LPIN1: variants seen among roughly 807,000 people sequenced by gnomAD.
LPIN1 encodes the protein lipin 1, also known as phosphatidate phosphatase LPIN1.
LPIN1 carries 71 observed loss-of-function variants against 107.5 expected under a neutral mutation model. The observed-to-expected ratio is 0.66, with a 90% CI of 0.55 to 0.80. LPIN1 has a LOEUF of 0.80. LPIN1 is among the 30% of genes least tolerant of loss of function. The probability of loss-of-function intolerance (pLI) is 0.00; values close to 1 mark genes in which losing one functional copy is unlikely to be tolerated. For synonymous variants in LPIN1, 445 were observed against 452.6 expected (o/e 0.98, Z 0.21); for missense variants, 1,043 against 1,160.6 (o/e 0.90, Z 1.47).
At chr2:11,799,553 T>G (rs544175716) in intron 14 of LPIN1, among the ~76,000 whole-genome samples, 3 of 151,938 alleles carry the variant, frequency 2.0e-5, no homozygotes, top group Non-Finnish European at 4.4e-5. Flanking sequence ...ACCTCCAGAT[T>G]GTTGGTTCAG....
chr2:11,750,586 T>C (rs1667644058), intron 1 of LPIN1, among the ~76,000 whole-genome samples: 1 of 152,216 alleles, frequency 6.6e-6, no homozygotes, highest in South Asian at 2.1e-4. Context: ...TGGTTTTTAT[T>C]TGGTGCATGT....
intron 1 of LPIN1, among the ~76,000 whole-genome samples, chr2:11,750,624 C>A (rs1230089869): frequency 6.6e-6 from 1 of 152,218 alleles, no homozygotes; most frequent in African/African-American, 2.4e-5. Flanking sequence ...ACATTTACTG[C>A]CTCACAACAG....
intron 1 of LPIN1, among the ~76,000 whole-genome samples, chr2:11,739,902 C>T (rs1425387907): frequency 6.6e-6 from 1 of 152,172 alleles, no homozygotes; most frequent in African/African-American, 2.4e-5. Context: ...TATCAGGATT[C>T]TCCAGAGAAA....
chr2:11,785,589 C>G (rs923017503), intron 10 of LPIN1, among the ~76,000 whole-genome samples: 1 of 152,192 alleles, frequency 6.6e-6, no homozygotes, highest in Non-Finnish European at 1.5e-5. Context: ...CCCACGCCCC[C>G]CAGTGGGTGC....
chr2:11,787,039 TG>T, intron 10 of LPIN1, 34 bp from the exon 11 acceptor site: 4 of 1,475,400 alleles, frequency 2.7e-6, no homozygotes, highest in Non-Finnish European at 3.8e-6. Context: ...ATTTTCTTTT[TG>T]TTTTTCCCTG....
chr2:11,768,107 A>G (rs1354136566), intron 3 of LPIN1, among the ~76,000 whole-genome samples: 3 of 152,134 alleles, frequency 2.0e-5, no homozygotes, highest in Non-Finnish European at 4.4e-5. Flanking sequence ...AGACAGAGGG[A>G]TGGACTTCAC....
At chr2:11,709,586 T>C (rs1179816674) in intron 1 of LPIN1, among the ~76,000 whole-genome samples, 1 of 152,248 alleles carries the variant, frequency 6.6e-6, no homozygotes, top group Non-Finnish European at 1.5e-5. Context: ...CCGAGTTATA[T>C]GCTGCCATTG....
chr2:11,795,283 G>T (rs1328886467), intron 13 of LPIN1, 125 bp from the exon 14 acceptor site: 2 of 782,628 alleles, frequency 2.6e-6, no homozygotes, highest in Non-Finnish European at 4.5e-6. Flanking sequence ...CGCTAGGGTG[G>T]GCGTCATTGG....
At chr2:11,799,800 G>A (rs929806533) in intron 14 of LPIN1, among the ~76,000 whole-genome samples, 13 of 152,050 alleles carry the variant, frequency 8.5e-5, no homozygotes, top group African/African-American at 2.2e-4. Context: ...TTAAGATAAA[G>A]AAATCAAGGC....
At chr2:11,732,041 T>A (rs1665289325) in intron 1 of LPIN1, among the ~76,000 whole-genome samples, 1 of 152,218 alleles carries the variant, frequency 6.6e-6, no homozygotes, top group Admixed American at 6.5e-5. Flanking sequence ...TTCACTCTGA[T>A]GTTAGTTTCT....
intron 17 of LPIN1, among the ~76,000 whole-genome samples, chr2:11,810,330 T>A (rs1558287523): frequency 6.6e-6 from 1 of 152,124 alleles, no homozygotes; most frequent in Non-Finnish European, 1.5e-5. Flanking sequence ...TGAGTCTCCA[T>A]GGAGGAGCAG....
chr2:11,782,113 A>G, intron 7 of LPIN1, 88 bp from the exon 8 acceptor site: 1 of 994,404 alleles, frequency 1.0e-6, no homozygotes, highest in Non-Finnish European at 1.6e-6. Context: ...ACTTTTGATT[A>G]CTTGTTCTCC....
At chr2:11,776,598 A>G (rs1672715173) in intron 6 of LPIN1, among the ~76,000 whole-genome samples, 1 of 152,210 alleles carries the variant, frequency 6.6e-6, no homozygotes, top group Admixed American at 6.5e-5. Flanking sequence ...TAAGTTTACA[A>G]GATATTTTTG....
At chr2:11,687,845 C>A (rs542235465) in intron 1 of LPIN1, among the ~76,000 whole-genome samples, 2 of 152,228 alleles carry the variant, frequency 1.3e-5, no homozygotes, top group African/African-American at 4.8e-5. Context: ...TTAAATGAGG[C>A]CATGGCAGGG....
intron 1 of LPIN1, among the ~76,000 whole-genome samples, chr2:11,690,122 G>T (rs1302478287): frequency 6.6e-6 from 1 of 152,096 alleles, no homozygotes; most frequent in Non-Finnish European, 1.5e-5. Context: ...GTAAAAAAAA[G>T]AAAAATGTTA....
In LPIN1 at chr2:11,773,751, C is replaced by T. The variant is rs760556199; in HGVS notation, c.722+6C>T. 6.2e-7 allele frequency: 1 copy of T among 1,614,000 alleles called. No individual in the cohort carries two copies. Among genetic ancestry groups the T allele is most frequent in the East Asian group, 2.2e-5 (1 of 44,878 alleles). ...GAGTGGTCACCCACTCCCAGGTAAGCTGTTCCCTGTTCCCCTGGCCCAGTG... is the reference window on the plus strand; with the variant it reads ...GAGTGGTCACCCACTCCCAGGTAAGTTGTTCCCTGTTCCCCTGGCCCAGTG... On this transcript the variant is annotated splice_donor_region_variant and intron_variant, in intron 5 of 20. Coordinates refer to ENST00000674199, the MANE Select transcript of LPIN1 (RefSeq NM_001349206.2).
chr2:11,701,208 TG>T (rs2148516068), intron 1 of LPIN1, among the ~76,000 whole-genome samples: 1 of 152,350 alleles, frequency 6.6e-6, no homozygotes, highest in East Asian at 1.9e-4. Flanking sequence ...TTTCCCCTCC[TG>T]GGTACCTGGC....
chr2:11,711,182 G>A (rs1663389872), intron 1 of LPIN1, among the ~76,000 whole-genome samples: 1 of 152,192 alleles, frequency 6.6e-6, no homozygotes, highest in Admixed American at 6.5e-5. Context: ...GTGTGACTGT[G>A]TTGGTGGCCC....
At chr2:11,783,358 C>T (rs1673896518) in intron 8 of LPIN1, among the ~76,000 whole-genome samples, 1 of 152,138 alleles carries the variant, frequency 6.6e-6, no homozygotes, top group African/African-American at 2.4e-5. Context: ...ACACTTCAGG[C>T]ACTTTACAGA....
Sources: gnomAD v4.1 joint callset for allele counts (sites outside exome capture counted in the v4.1 genomes callset) on GRCh38, gnomAD v4.1.1 for gene constraint, MANE v1.5 for transcripts, NCBI Gene and HGNC (gene_info 2026-07-23, HGNC 2026-07-21) for gene names.